TSPAN14: variants seen among roughly 807,000 people sequenced by gnomAD.
The protein encoded by TSPAN14 is tetraspanin 14, also known as tetraspanin-14.
TSPAN14 carries 16 observed loss-of-function variants against 36.6 expected under a neutral mutation model. The observed-to-expected ratio is 0.44, with a 90% CI of 0.30 to 0.66. TSPAN14 has a LOEUF of 0.66. Among genes scored for constraint, TSPAN14 ranks in the 30% least tolerant of loss-of-function variants. The pLI, the probability that TSPAN14 is intolerant of heterozygous loss-of-function variation, is 0.12. For missense variants in TSPAN14, 231 were observed against 355.1 expected, an observed-to-expected ratio of 0.65 and a Z score of 2.81; for synonymous variants, 139 against 143.8, an observed-to-expected ratio of 0.97 and a Z score of 0.24.
Position 80,521,090 on chromosome 10 carries a change from A to G in TSPAN14, c.*3114A>G, listed in dbSNP as rs1209722369. 4 of 309,074 alleles carry G rather than the reference A, an allele frequency of 1.3e-5. No homozygotes were observed. The East Asian group carries it at 2.6e-4, about 20-fold the overall frequency. The allele number at this position is 309,074 out of a possible 1,614,324, so 19.1% of individuals were successfully genotyped here. ...ATGCACAACCTTCCTGGAACGTGGA[A>G]TTTCTCTGGGAGATTCCATGCAGAG... On this transcript the variant is annotated 3_prime_UTR_variant, in exon 9 of 9. Transcript: ENST00000429989.
At chr10:80,479,229 C>T (rs1414448287) in intron 1 of TSPAN14, among the ~76,000 whole-genome samples, 1 of 151,182 alleles carries the variant, frequency 6.6e-6, no homozygotes, top group African/African-American at 2.4e-5. Context: ...AAATTTTCTC[C>T]CATTTTGTAG....
At chr10:80,514,312 G>A (rs918135929) in intron 7 of TSPAN14, among the ~76,000 whole-genome samples, 2 of 152,190 alleles carry the variant, frequency 1.3e-5, no homozygotes, top group African/African-American at 4.8e-5. Context: ...AGGAGTTGCT[G>A]CATTTAAAGA....
intron 1 of TSPAN14, among the ~76,000 whole-genome samples, chr10:80,481,945 G>A (rs142524388): frequency 0.013 from 2,010 of 152,150 alleles, 60 homozygotes; most frequent in East Asian, 0.077. Flanking sequence ...AGTAGAGATG[G>A]GGTTTTACCA....
At chr10:80,458,934 A>G (rs1195447457) in intron 1 of TSPAN14, among the ~76,000 whole-genome samples, 1 of 150,690 alleles carries the variant, frequency 6.6e-6, no homozygotes. Flanking sequence ...AGTTGCACCT[A>G]CTTTCTAGTT....
intron 2 of TSPAN14, 23 bp downstream of exon 2, chr10:80,489,337 A>G (rs779393200): frequency 4.8e-6 from 7 of 1,451,830 alleles, no homozygotes; most frequent in Non-Finnish European, 6.6e-6. Context: ...GAGCTGCCAC[A>G]TTCCCTTGTT....
chr10:80,517,039 G>T (rs538126048), intron 8 of TSPAN14, among the ~76,000 whole-genome samples: 1 of 152,306 alleles, frequency 6.6e-6, no homozygotes, highest in African/African-American at 2.4e-5. Context: ...AGTCTTTCCA[G>T]TGCTGTTCAG....
chr10:80,512,373 T>TGAG (rs1022483878), intron 6 of TSPAN14, 104 bp downstream of exon 6: 2 of 1,486,214 alleles, frequency 1.3e-6, no homozygotes, highest in Non-Finnish European at 1.8e-6. Context: ...CATGGAGGTC[T>TGAG]GAGGAGCAGG....
intron 2 of TSPAN14, among the ~76,000 whole-genome samples, chr10:80,492,387 A>G (rs563245759): frequency 4.2e-4 from 64 of 152,258 alleles, no homozygotes; most frequent in African/African-American, 1.4e-3. Flanking sequence ...GTGCAGAAGG[A>G]TTGCACGTGT....
chr10:80,469,919 C>T (rs1017795768), intron 1 of TSPAN14, among the ~76,000 whole-genome samples: 3 of 151,936 alleles, frequency 2.0e-5, no homozygotes, highest in Admixed American at 6.6e-5. Flanking sequence ...TACAGTTGTC[C>T]CTTGGTGTCC....
intron 1 of TSPAN14, among the ~76,000 whole-genome samples, chr10:80,488,511 G>A (rs1847749308): frequency 6.6e-6 from 1 of 151,786 alleles, no homozygotes; most frequent in African/African-American, 2.4e-5. Flanking sequence ...TATGGCTATA[G>A]TCTGGGTTGA....
chr10:80,509,526 G>A lies in TSPAN14; in HGVS notation c.450+55G>A, dbSNP rs1840496270. On this transcript the variant is annotated intron_variant, in intron 5 of 8. Transcript: ENST00000429989. The surrounding 1 kb of genome is among the most constrained non-coding windows in gnomAD (Gnocchi z 4.7). ...GAGCATGCACCTCCCTGTGCTGCCT[G>A]GAGCTGAGTCTAGCAGGGGCATCAG... is the stretch of plus-strand genomic sequence containing the variant. The A allele has an allele frequency of 6.3e-7, 1 of 1,576,090 alleles. No homozygotes were observed. Among genetic ancestry groups the A allele is most frequent in the Non-Finnish European group, 8.6e-7 (1 of 1,157,364 alleles).
chr10:80,481,987 T>C (rs543980616), intron 1 of TSPAN14, among the ~76,000 whole-genome samples: 2 of 152,096 alleles, frequency 1.3e-5, no homozygotes, highest in East Asian at 3.9e-4. Flanking sequence ...TCTCCTGACC[T>C]CGTGATCCTC....
chr10:80,479,883 C>A (rs1041294112), intron 1 of TSPAN14, among the ~76,000 whole-genome samples: 1 of 149,850 alleles, frequency 6.7e-6, no homozygotes, highest in Admixed American at 6.7e-5. Context: ...TTACCTTGGG[C>A]AGTATGGCCA....
At chr10:80,491,987 G>A (rs1167645441) in intron 2 of TSPAN14, among the ~76,000 whole-genome samples, 1 of 152,142 alleles carries the variant, frequency 6.6e-6, no homozygotes, top group Non-Finnish European at 1.5e-5. Context: ...TGAGATGGGC[G>A]CACAGACCTC....
intron 1 of TSPAN14, among the ~76,000 whole-genome samples, chr10:80,457,909 G>C (rs1845803875): frequency 6.6e-6 from 1 of 152,216 alleles, no homozygotes. Flanking sequence ...TCACTGGGGG[G>C]ACCCATAGTG....
intron 2 of TSPAN14, among the ~76,000 whole-genome samples, chr10:80,497,931 C>G (rs1289670893): frequency 6.6e-6 from 1 of 152,212 alleles, no homozygotes; most frequent in African/African-American, 2.4e-5. Context: ...TGACCCCATG[C>G]AAGGCACCTC....
chr10:80,467,156 A>G (rs74143134), intron 1 of TSPAN14, among the ~76,000 whole-genome samples: 4,762 of 152,176 alleles, frequency 0.031, 183 homozygotes, highest in East Asian at 0.088. Flanking sequence ...CTCTATTTTA[A>G]TATTAATGAT....
chr10:80,492,792 G>A (rs1474785441), intron 2 of TSPAN14, among the ~76,000 whole-genome samples: 1 of 152,006 alleles, frequency 6.6e-6, no homozygotes, highest in African/African-American at 2.4e-5. Context: ...CTCCAGCCTG[G>A]GCGACAGAGC....
chr10:80,463,897 C>T (rs562520464), intron 1 of TSPAN14, among the ~76,000 whole-genome samples: 9 of 152,250 alleles, frequency 5.9e-5, no homozygotes, highest in Non-Finnish European at 1.2e-4. Context: ...GAGGTGCCAG[C>T]GTGTTGGTTC....
Sources: allele counts gnomAD v4.1 joint callset (sites outside exome capture counted in the v4.1 genomes callset), GRCh38; gene constraint gnomAD v4.1.1; non-coding constraint Gnocchi (gnomAD v3.1); transcripts MANE v1.5; gene names NCBI Gene and HGNC (gene_info 2026-07-23, HGNC 2026-07-21).